GNAO1: variants seen among roughly 807,000 people sequenced by gnomAD.
GNAO1 encodes the protein G protein subunit alpha o1.
For missense variants in GNAO1, 166 were observed against 478.7 expected (o/e 0.35, Z 6.10); for synonymous variants, 164 against 180.7 (o/e 0.91, Z 0.74).
chr16:56,231,373 T>C (rs985984876), intron 2 of GNAO1, among the ~76,000 whole-genome samples: 6 of 152,244 alleles, frequency 3.9e-5, no homozygotes, highest in Admixed American at 3.3e-4. Context: ...ATAGCAGTCC[T>C]CATCACTTGC....
chr16:56,257,463 C>A (rs1307270565), intron 2 of GNAO1, among the ~76,000 whole-genome samples: 2 of 152,164 alleles, frequency 1.3e-5, no homozygotes, highest in African/African-American at 4.8e-5. Flanking sequence ...GTGTGTCTGA[C>A]CAAGCAGCCC....
intron 2 of GNAO1, among the ~76,000 whole-genome samples, chr16:56,234,577 G>GT (rs139622842): frequency 0.013 from 2,056 of 152,350 alleles, 23 homozygotes; most frequent in Non-Finnish European, 0.023. Flanking sequence ...CCCATGAACT[G>GT]TTTCACAGCT....
chr16:56,209,736 CT>C (rs149651885), intron 2 of GNAO1, among the ~76,000 whole-genome samples: 1,853 of 152,046 alleles, frequency 0.012, 42 homozygotes, highest in African/African-American at 0.043. Flanking sequence ...GTAATTGCTT[CT>C]TTTTTTTAAG....
At chr16:56,313,531 G>A (rs1383525817) in intron 3 of GNAO1, among the ~76,000 whole-genome samples, 1 of 151,864 alleles carries the variant, frequency 6.6e-6, no homozygotes, top group Non-Finnish European at 1.5e-5. Flanking sequence ...AAATGGCTCG[G>A]TTCTCACACG....
chr16:56,265,404 C>G (rs58690859), intron 2 of GNAO1, among the ~76,000 whole-genome samples: 1,770 of 152,332 alleles, frequency 0.012, 41 homozygotes, highest in African/African-American at 0.041. Context: ...GCTCACTGCC[C>G]TGTATCCAGT....
chr16:56,237,950 A>G (rs1355908286), intron 2 of GNAO1, among the ~76,000 whole-genome samples: 3 of 152,204 alleles, frequency 2.0e-5, no homozygotes, highest in Admixed American at 1.3e-4. Context: ...GTAACCAGCT[A>G]TGATATAAAC....
chr16:56,245,025 A>G (rs1319825877), intron 2 of GNAO1, among the ~76,000 whole-genome samples: 1 of 152,184 alleles, frequency 6.6e-6, no homozygotes, highest in African/African-American at 2.4e-5. Context: ...AGAAAGTTTC[A>G]CTAAAACATT....
chr16:56,289,697 C>T (rs1403277176), intron 3 of GNAO1, among the ~76,000 whole-genome samples: 1 of 152,100 alleles, frequency 6.6e-6, no homozygotes, highest in Non-Finnish European at 1.5e-5. Context: ...GGAGGGGGTA[C>T]GGAGGCCAGG....
intron 3 of GNAO1, among the ~76,000 whole-genome samples, chr16:56,283,950 AC>A (rs2037139048): frequency 6.6e-6 from 1 of 152,096 alleles, no homozygotes; most frequent in African/African-American, 2.4e-5. Context: ...AAAGAGACTT[AC>A]CCAGGGGAAT....
chr16:56,281,618 C>T (rs2037115387), intron 3 of GNAO1, among the ~76,000 whole-genome samples: 2 of 152,160 alleles, frequency 1.3e-5, no homozygotes, highest in Non-Finnish European at 2.9e-5. Context: ...CTCTCTCCCT[C>T]CCTTCCTCCT....
chr16:56,305,705 T>C (rs1174353420), intron 3 of GNAO1, among the ~76,000 whole-genome samples: 2 of 152,100 alleles, frequency 1.3e-5, no homozygotes, highest in Non-Finnish European at 2.9e-5. Flanking sequence ...TGTATTTGTT[T>C]CCCAGGGCCG....
chr16:56,225,300 GGA>G (rs2036524436), intron 2 of GNAO1, among the ~76,000 whole-genome samples: 1 of 152,206 alleles, frequency 6.6e-6, no homozygotes, highest in Non-Finnish European at 1.5e-5. Flanking sequence ...ACTGAGTAGA[GGA>G]ATGGAATATA....
chr16:56,214,997 A>C (rs911043728), intron 2 of GNAO1, among the ~76,000 whole-genome samples: 3 of 152,192 alleles, frequency 2.0e-5, no homozygotes, highest in African/African-American at 7.2e-5. Flanking sequence ...CTTGGAGGAC[A>C]TACCATGGTG....
At chr16:56,282,206 G>T (rs774567656) in intron 3 of GNAO1, among the ~76,000 whole-genome samples, 1 of 152,140 alleles carries the variant, frequency 6.6e-6, no homozygotes, top group Non-Finnish European at 1.5e-5. Context: ...GGTAAATTAT[G>T]TAACCTCTCT....
chr16:56,241,103 A>G (rs2036689982), intron 2 of GNAO1, among the ~76,000 whole-genome samples: 1 of 152,162 alleles, frequency 6.6e-6, no homozygotes, highest in South Asian at 2.1e-4. Flanking sequence ...CAGTCCTGCC[A>G]CTGCAGCCCA....
chr16:56,292,508 C>A (rs542344560), intron 3 of GNAO1, among the ~76,000 whole-genome samples: 12 of 152,224 alleles, frequency 7.9e-5, no homozygotes, highest in African/African-American at 2.9e-4. Flanking sequence ...ACTACAGGCA[C>A]ATATCACCAT....
chr16:56,199,978 A>G (rs1025164569), intron 2 of GNAO1, among the ~76,000 whole-genome samples: 4 of 152,236 alleles, frequency 2.6e-5, no homozygotes, highest in Admixed American at 2.0e-4. Context: ...AATGGAGAAA[A>G]GAGAAAGGGA....
At chr16:56,295,555 T>C (rs2037278810) in intron 3 of GNAO1, among the ~76,000 whole-genome samples, 1 of 152,254 alleles carries the variant, frequency 6.6e-6, no homozygotes, top group East Asian at 1.9e-4. Flanking sequence ...TTCTTCTCCC[T>C]TCCACCTTTA....
At chr16:56,258,688 G>A (rs1436491247) in intron 2 of GNAO1, among the ~76,000 whole-genome samples, 2 of 152,234 alleles carry the variant, frequency 1.3e-5, no homozygotes, top group Non-Finnish European at 2.9e-5. Context: ...CCCACAAATC[G>A]GTCTGGACAG....
Sources: gnomAD v4.1 joint callset for allele counts (sites outside exome capture counted in the v4.1 genomes callset) on GRCh38, gnomAD v4.1.1 for gene constraint, MANE v1.5 for transcripts, NCBI Gene and HGNC (gene_info 2026-07-23, HGNC 2026-07-21) for gene names.